FAM13A: variants seen among roughly 807,000 people sequenced by gnomAD.
The protein encoded by FAM13A is family with sequence similarity 13 member A, also known as protein FAM13A.
A neutral mutation model predicts 129.6 loss-of-function variants in FAM13A; 76 were observed. The observed-to-expected ratio is 0.59, with a 90% CI of 0.49 to 0.71. The LOEUF (loss-of-function observed/expected upper bound fraction) is 0.71, where lower values mean the gene tolerates loss of function less well. FAM13A is among the 30% of genes least tolerant of loss of function. FAM13A has a pLI of 0.00. For synonymous variants in FAM13A, 443 were observed against 449.9 expected (o/e 0.98, Z 0.20); for missense variants, 1,108 against 1,249.3 (o/e 0.89, Z 1.70).
At chr4:89,054,411 T>C (rs564924536) in intron 1 of FAM13A, among the ~76,000 whole-genome samples, 3 of 152,244 alleles carry the variant, frequency 2.0e-5, no homozygotes, top group African/African-American at 7.2e-5. Context: ...CATATATGTA[T>C]AAGTATGTAA....
At position 89,009,421 on chromosome 4, in the gene FAM13A, T is replaced by C. The variant is rs546298136; in HGVS notation, c.427+11039A>G. On this transcript the variant is annotated intron_variant, in intron 3 of 23. Coordinates refer to ENST00000264344, the MANE Select transcript of FAM13A (RefSeq NM_014883.4). ...GTCTTCCTTGGGCTGTAATAAGCTATAATCAATCAAATTGCTATAATGTAT... is the reference window on the plus strand; with the variant it reads ...GTCTTCCTTGGGCTGTAATAAGCTACAATCAATCAAATTGCTATAATGTAT... Among the ~76,000 whole-genome samples the C allele has an allele frequency of 3.3e-5, 5 of 152,344 alleles. No individual in the cohort carries two copies. The East Asian group carries it at 9.6e-4, about 29-fold the overall frequency.
intron 3 of FAM13A, among the ~76,000 whole-genome samples, chr4:89,000,265 T>C (rs1292859982): frequency 6.6e-6 from 1 of 152,132 alleles, no homozygotes; most frequent in African/African-American, 2.4e-5. Context: ...AGCCAAAAAA[T>C]GGAAATAACC....
intron 6 of FAM13A, among the ~76,000 whole-genome samples, chr4:88,877,817 T>C (rs1041162974): frequency 2.0e-5 from 3 of 152,222 alleles, no homozygotes; most frequent in Admixed American, 6.5e-5. Flanking sequence ...ACTTTCTCCT[T>C]GAATCTTCTA....
intron 5 of FAM13A, among the ~76,000 whole-genome samples, chr4:88,934,500 T>C (rs1222221737): frequency 1.3e-5 from 2 of 152,210 alleles, no homozygotes; most frequent in Non-Finnish European, 2.9e-5. Flanking sequence ...GATGATTAAG[T>C]TATTTCTTGA....
At chr4:88,853,158 T>G (rs2149995042) in intron 6 of FAM13A, among the ~76,000 whole-genome samples, 1 of 152,264 alleles carries the variant, frequency 6.6e-6, no homozygotes, top group Non-Finnish European at 1.5e-5. Context: ...AGGAAAAAAT[T>G]TTTAAATATT....
intron 4 of FAM13A, among the ~76,000 whole-genome samples, chr4:88,942,166 A>G (rs1250623341): frequency 6.6e-6 from 1 of 152,214 alleles, no homozygotes; most frequent in Non-Finnish European, 1.5e-5. Flanking sequence ...TGGTCATTAT[A>G]TGAAATATCC....
intron 4 of FAM13A, among the ~76,000 whole-genome samples, chr4:88,972,621 G>A (rs533433939): frequency 2.0e-5 from 3 of 150,522 alleles, no homozygotes; most frequent in East Asian, 4.0e-4. Context: ...TTTTTTTTGG[G>A]GGGGAGAACA....
intron 8 of FAM13A, among the ~76,000 whole-genome samples, chr4:88,799,369 A>C (rs1182663025): frequency 6.6e-6 from 1 of 152,234 alleles, no homozygotes; most frequent in Non-Finnish European, 1.5e-5. Flanking sequence ...GACAAATTGG[A>C]ACTGTGTACT....
In FAM13A at chr4:88,945,757, A is replaced by AGTATATATATATATACTATGTGGTT. The variant is rs1407889934; in HGVS notation, c.606-7541_606-7517dup. On this transcript the variant is annotated intron_variant, in intron 4 of 23. Coordinates refer to ENST00000264344, the MANE Select transcript of FAM13A (RefSeq NM_014883.4). ...TTACTATAAGATTGCAACCACTATTAGTATATATATATATACTATGTGGTT... is the reference window on the plus strand; with the variant it reads ...TTACTATAAGATTGCAACCACTATTAGTATATATATATATACTATGTGGTTGTATATATATATATACTATGTGGTT... 1.2e-4 allele frequency among the ~76,000 whole-genome samples: 16 copies of AGTATATATATATATACTATGTGGTT among 130,724 alleles called. 1 individual carries two copies. 85.8% of individuals were successfully genotyped at this position (130,724 alleles called of 152,430 possible).
intron 4 of FAM13A, among the ~76,000 whole-genome samples, chr4:88,945,546 G>A (rs1462157749): frequency 6.6e-6 from 1 of 151,756 alleles, no homozygotes; most frequent in Non-Finnish European, 1.5e-5. Context: ...TAGTTTTTGG[G>A]GGTCACTTGA....
chr4:88,730,580 T>TG (rs1282962221), intron 23 of FAM13A, among the ~76,000 whole-genome samples: 1 of 152,048 alleles, frequency 6.6e-6, no homozygotes, highest in Non-Finnish European at 1.5e-5. Context: ...TTAGTAGAGA[T>TG]GGGGTTTCAC....
At chr4:88,791,945 T>C (rs1725261544) in intron 8 of FAM13A, among the ~76,000 whole-genome samples, 1 of 152,092 alleles carries the variant, frequency 6.6e-6, no homozygotes, top group Non-Finnish European at 1.5e-5. Context: ...ATGTTTACTC[T>C]TTCGCCCAAG....
At chr4:88,748,823 G>A (rs1215077333) in intron 17 of FAM13A, 129 bp downstream of exon 17, 1 of 751,322 alleles carries the variant, frequency 1.3e-6, no homozygotes, top group Non-Finnish European at 2.4e-6. Flanking sequence ...ACTCTGAATA[G>A]CTGAGAGTGC....
chr4:88,800,252 G>A (rs1302900098), intron 8 of FAM13A, among the ~76,000 whole-genome samples: 1 of 152,176 alleles, frequency 6.6e-6, no homozygotes, highest in Non-Finnish European at 1.5e-5. Context: ...ATAACAATGA[G>A]AATGTACTTA....
chr4:88,998,221 T>C (rs1298027866), intron 3 of FAM13A, among the ~76,000 whole-genome samples: 1 of 152,176 alleles, frequency 6.6e-6, no homozygotes, highest in African/African-American at 2.4e-5. Flanking sequence ...ATAATAAATT[T>C]GCAATGCATT....
chr4:88,890,043 T>C (rs1745083528), intron 6 of FAM13A, among the ~76,000 whole-genome samples: 2 of 152,150 alleles, frequency 1.3e-5, no homozygotes, highest in Non-Finnish European at 2.9e-5. Flanking sequence ...ATTTGGTTCT[T>C]GGCCAAATAG....
chr4:88,923,911 A>G (rs2148731876), intron 5 of FAM13A, among the ~76,000 whole-genome samples: 1 of 152,300 alleles, frequency 6.6e-6, no homozygotes, highest in East Asian at 1.9e-4. Context: ...CACCAGTAAC[A>G]GACAAACAGA....
chr4:88,931,491 C>T (rs1753027786), intron 5 of FAM13A, among the ~76,000 whole-genome samples: 1 of 152,110 alleles, frequency 6.6e-6, no homozygotes, highest in Admixed American at 6.5e-5. Flanking sequence ...GCCTCAAACC[C>T]TCTCCTTACT....
intron 21 of FAM13A, among the ~76,000 whole-genome samples, chr4:88,734,013 T>C (rs563737066): frequency 6.6e-6 from 1 of 152,218 alleles, no homozygotes; most frequent in African/African-American, 2.4e-5. Flanking sequence ...CGAGGAAAAA[T>C]AGCAAATAGA....
Sources: allele counts gnomAD v4.1 joint callset (sites outside exome capture counted in the v4.1 genomes callset), GRCh38; gene constraint gnomAD v4.1.1; transcripts MANE v1.5; gene names NCBI Gene and HGNC (gene_info 2026-07-23, HGNC 2026-07-21).